The following SCAPER variants were observed in gnomAD, a reference collection of about 807,000 sequenced individuals.
The protein encoded by SCAPER is S phase cyclin A-associated protein in the endoplasmic reticulum.
In SCAPER, 98 loss-of-function variants were observed where a neutral mutation model predicts 182.2. The observed-to-expected ratio is 0.54, with a 90% confidence interval of 0.46 to 0.64. SCAPER has a LOEUF of 0.64. SCAPER is among the 30% of genes least tolerant of loss of function. The pLI, the probability that SCAPER is intolerant of heterozygous loss-of-function variation, is 0.00. For synonymous variants in SCAPER, 605 were observed against 564.6 expected (o/e 1.07, Z -1.01); for missense variants, 1,432 against 1,690.0 (o/e 0.85, Z 2.68).
chr15:76,853,509 T>G (rs762666049), intron 4 of SCAPER, among the ~76,000 whole-genome samples: 1 of 151,524 alleles, frequency 6.6e-6, no homozygotes, highest in Non-Finnish European at 1.5e-5. Flanking sequence ...TGCTTCAGCA[T>G]AGGCAAATCA....
At chr15:76,582,269 T>C (rs888529905) in intron 22 of SCAPER, among the ~76,000 whole-genome samples, 1 of 152,124 alleles carries the variant, frequency 6.6e-6, no homozygotes, top group African/African-American at 2.4e-5. Flanking sequence ...CTGTAGGATA[T>C]AAAATCAACA....
intron 17 of SCAPER, among the ~76,000 whole-genome samples, chr15:76,718,729 T>C (rs2060029929): frequency 6.6e-6 from 1 of 151,824 alleles, no homozygotes; most frequent in African/African-American, 2.4e-5. Flanking sequence ...AAAAACAAAC[T>C]GATTTTAAAA....
intron 23 of SCAPER, among the ~76,000 whole-genome samples, chr15:76,505,493 G>A (rs1473637981): frequency 6.6e-6 from 1 of 152,046 alleles, no homozygotes; most frequent in Non-Finnish European, 1.5e-5. Flanking sequence ...CATAGGAAAA[G>A]GTGCCCAACA....
intron 29 of SCAPER, among the ~76,000 whole-genome samples, chr15:76,358,282 G>A (rs1419780944): frequency 6.6e-6 from 1 of 152,206 alleles, no homozygotes; most frequent in Non-Finnish European, 1.5e-5. Flanking sequence ...AAGACCGTAG[G>A]TGCATAGCTC....
chr15:76,530,171 A>G (rs1384795166), intron 23 of SCAPER, among the ~76,000 whole-genome samples: 1 of 152,192 alleles, frequency 6.6e-6, no homozygotes, highest in Non-Finnish European at 1.5e-5. Flanking sequence ...CGCTAATGAG[A>G]ACATACTGCA....
At chr15:76,506,222 T>G (rs1475791359) in intron 23 of SCAPER, among the ~76,000 whole-genome samples, 1 of 152,142 alleles carries the variant, frequency 6.6e-6, no homozygotes, top group African/African-American at 2.4e-5. Context: ...TAATCAATAA[T>G]AATTTAATTG....
At chr15:76,613,464 C>A (rs2051179896) in intron 22 of SCAPER, among the ~76,000 whole-genome samples, 1 of 152,132 alleles carries the variant, frequency 6.6e-6, no homozygotes, top group African/African-American at 2.4e-5. Context: ...GCAAAAGAAA[C>A]TATCAACAGG....
At chr15:76,567,252 T>A in intron 23 of SCAPER, 1 of 420,104 alleles carries the variant, frequency 2.4e-6, no homozygotes, top group East Asian at 7.5e-5. Flanking sequence ...TGAATAATAG[T>A]CCATTATATG....
intron 28 of SCAPER, chr15:76,380,408 C>T (rs2141930832): frequency 6.6e-6 from 1 of 152,158 alleles, no homozygotes; most frequent in South Asian, 2.1e-4. Flanking sequence ...TCCAATGATA[C>T]AACTTAGTCA....
At chr15:76,769,644 T>C (rs974168480) in intron 10 of SCAPER, among the ~76,000 whole-genome samples, 3 of 150,386 alleles carry the variant, frequency 2.0e-5, no homozygotes, top group African/African-American at 7.4e-5. Context: ...AGAACGGCGA[T>C]CATTAAAAAG....
At position 76,652,031 on chromosome 15, in the gene SCAPER, C is replaced by A. The variant is rs114276906; in HGVS notation, c.2645+13622G>T. Among the ~76,000 whole-genome samples the A allele has an allele frequency of 5.9e-3, 889 of 150,908 alleles. 4 individuals are homozygous for A. Among genetic ancestry groups the A allele is most frequent in the African/African-American group, 0.021 (857 of 41,058 alleles). ...GAATCAAAAGCAAATTCCATATAAC[C>A]ATCTAAATAGATGCAGTGGAAGCAT... On this transcript the variant is annotated intron_variant, in intron 21 of 31. Coordinates refer to ENST00000563290, the MANE Select transcript of SCAPER (RefSeq NM_020843.4).
At chr15:76,609,381 G>A (rs1051365889) in intron 22 of SCAPER, among the ~76,000 whole-genome samples, 6 of 151,384 alleles carry the variant, frequency 4.0e-5, no homozygotes, top group Admixed American at 2.0e-4. Flanking sequence ...CCTAACTACC[G>A]AGGAGGCTGA....
At chr15:76,487,528 T>G (rs1451679208) in intron 24 of SCAPER, among the ~76,000 whole-genome samples, 2 of 152,164 alleles carry the variant, frequency 1.3e-5, no homozygotes, top group African/African-American at 4.8e-5. Flanking sequence ...TGGACTTCAG[T>G]TAGTAACAAC....
chr15:76,862,188 A>G (rs944481950), intron 3 of SCAPER, among the ~76,000 whole-genome samples: 1 of 152,202 alleles, frequency 6.6e-6, no homozygotes. Context: ...TGGTCATAAT[A>G]ACACAATAAA....
intron 4 of SCAPER, among the ~76,000 whole-genome samples, chr15:76,847,754 C>T (rs1473941544): frequency 6.6e-6 from 1 of 152,024 alleles, no homozygotes; most frequent in Non-Finnish European, 1.5e-5. Flanking sequence ...GACCCTATTT[C>T]TACAAAAAAT....
At chr15:76,874,716 G>A (rs1394511379) in intron 2 of SCAPER, among the ~76,000 whole-genome samples, 3 of 152,144 alleles carry the variant, frequency 2.0e-5, no homozygotes, top group Admixed American at 6.5e-5. Context: ...CAGCACTTGG[G>A]GAGGCCAAGG....
At chr15:76,709,848 T>C (rs2059468700) in intron 17 of SCAPER, among the ~76,000 whole-genome samples, 1 of 152,150 alleles carries the variant, frequency 6.6e-6, no homozygotes, top group Non-Finnish European at 1.5e-5. Flanking sequence ...AACCCAAGAA[T>C]GCAAGGTTAT....
intron 5 of SCAPER, among the ~76,000 whole-genome samples, chr15:76,838,602 G>C (rs1480842831): frequency 1.3e-5 from 2 of 152,144 alleles, no homozygotes; most frequent in Non-Finnish European, 2.9e-5. Flanking sequence ...GGCTACTCCA[G>C]CAAGTCTACT....
intron 24 of SCAPER, among the ~76,000 whole-genome samples, chr15:76,491,925 C>T (rs2052356064): frequency 6.6e-6 from 1 of 152,168 alleles, no homozygotes; most frequent in Non-Finnish European, 1.5e-5. Flanking sequence ...AGCCACCGTG[C>T]CTGGCTTGTT....
Sources: gnomAD v4.1 joint callset for allele counts (sites outside exome capture counted in the v4.1 genomes callset) on GRCh38, gnomAD v4.1.1 for gene constraint, MANE v1.5 for transcripts, NCBI Gene and HGNC (gene_info 2026-07-23, HGNC 2026-07-21) for gene names.